The following ADGRG6 variants were observed in gnomAD, a reference collection of about 807,000 sequenced individuals.
ADGRG6 encodes adhesion G protein-coupled receptor G6.
Under a neutral mutation model 142.4 loss-of-function variants are expected in ADGRG6, and 84 were observed. That is an observed-to-expected ratio of 0.59 (90% confidence interval 0.49 to 0.71). The LOEUF (loss-of-function observed/expected upper bound fraction) is 0.71, where lower values mean the gene tolerates loss of function less well. Among genes scored for constraint, ADGRG6 ranks in the 30% least tolerant of loss-of-function variants. The pLI is 0.00. For synonymous variants in ADGRG6, 521 were observed against 520.5 expected (o/e 1.00, Z -0.01); for missense variants, 1,367 against 1,466.6 (o/e 0.93, Z 1.11).
chr6:142,437,587 T>C, intron 23 of ADGRG6, 52 bp downstream of exon 23: 1 of 876,718 alleles, frequency 1.1e-6, no homozygotes, highest in South Asian at 1.3e-5. Context: ...GGAAAGTTTG[T>C]CATTCAGTCT....
At chr6:142,435,918 A>G (rs1240961019) in intron 22 of ADGRG6, among the ~76,000 whole-genome samples, 1 of 152,176 alleles carries the variant, frequency 6.6e-6, no homozygotes, top group Non-Finnish European at 1.5e-5. Context: ...TGTTATGGAA[A>G]GATTTGGGAG....
At chr6:142,315,604 G>A (rs973793674) in intron 2 of ADGRG6, among the ~76,000 whole-genome samples, 11 of 152,000 alleles carry the variant, frequency 7.2e-5, no homozygotes, top group East Asian at 5.8e-4. Flanking sequence ...CCGAGGCGGC[G>A]GGCAGATCAT....
chr6:142,326,425 C>G (rs1292770974), intron 2 of ADGRG6, among the ~76,000 whole-genome samples: 2 of 151,196 alleles, frequency 1.3e-5, no homozygotes, highest in Non-Finnish European at 2.9e-5. Flanking sequence ...GAAAAATTAA[C>G]TAGAATTTTA....
intron 2 of ADGRG6, among the ~76,000 whole-genome samples, chr6:142,310,478 A>T (rs922643583): frequency 1.3e-5 from 2 of 151,674 alleles, no homozygotes; most frequent in African/African-American, 4.8e-5. Context: ...TTGAAGTCTT[A>T]TGTATTTATT....
At chr6:142,439,545 TG>T (rs1777642602) in intron 24 of ADGRG6, among the ~76,000 whole-genome samples, 1 of 152,214 alleles carries the variant, frequency 6.6e-6, no homozygotes, top group Non-Finnish European at 1.5e-5. Context: ...GTCTTGCCAC[TG>T]GGGTGGCCAC....
At chr6:142,359,873 A>C (rs770445387) in intron 2 of ADGRG6, among the ~76,000 whole-genome samples, 1 of 152,178 alleles carries the variant, frequency 6.6e-6, no homozygotes, top group Admixed American at 6.5e-5. Context: ...GATCCCAGAG[A>C]AGATTTGGAG....
At chr6:142,389,263 T>C (rs1378621723) in intron 6 of ADGRG6, among the ~76,000 whole-genome samples, 4 of 152,040 alleles carry the variant, frequency 2.6e-5, no homozygotes, top group Admixed American at 6.6e-5. Context: ...CATTTTTTTT[T>C]CTACTGCCTC....
chr6:142,394,245 T>C (rs1322712481), intron 9 of ADGRG6, among the ~76,000 whole-genome samples: 1 of 152,222 alleles, frequency 6.6e-6, no homozygotes, highest in Non-Finnish European at 1.5e-5. Context: ...CCATTGCCTC[T>C]TACTTGAAAT....
chr6:142,320,401 A>G (rs575341891), intron 2 of ADGRG6, among the ~76,000 whole-genome samples: 1 of 152,230 alleles, frequency 6.6e-6, no homozygotes, highest in East Asian at 1.9e-4. Context: ...ATGCAACTAA[A>G]CTAATAATGG....
At chr6:142,439,487 G>C (rs980266281) in intron 24 of ADGRG6, among the ~76,000 whole-genome samples, 11 of 152,152 alleles carry the variant, frequency 7.2e-5, no homozygotes, top group Non-Finnish European at 1.2e-4. Context: ...AGATAACCCT[G>C]GTGTACATTT....
At chr6:142,354,347 C>T (rs979891204) in intron 2 of ADGRG6, among the ~76,000 whole-genome samples, 6 of 152,130 alleles carry the variant, frequency 3.9e-5, no homozygotes, top group Non-Finnish European at 7.3e-5. Flanking sequence ...CGTGCCATTG[C>T]GCTCTAGCTT....
chr6:142,409,813 C>T, intron 16 of ADGRG6, 61 bp from the exon 17 acceptor site: 1 of 718,460 alleles, frequency 1.4e-6, no homozygotes, highest in South Asian at 1.9e-5. Flanking sequence ...TATTCTTTTG[C>T]CATATTTAAA....
Position 142,397,767 on chromosome 6 carries a change from A to AT in ADGRG6, c.1567+19dup. The stretch of plus-strand genomic sequence containing the variant: ...TGTGAGACAACTGGGTAAGTGACTA[A>AT]TTTTTTTATAATATGCATTTTATAC... On this transcript the variant is annotated intron_variant, in intron 10 of 24. Transcript: ENST00000367609. 2.0e-6 allele frequency: 3 copies of AT among 1,514,204 alleles called. No homozygotes were observed. The highest frequency in any genetic ancestry group is 1.3e-5 in the South Asian group (1 of 77,574). 93.8% of individuals were successfully genotyped at this position (1,514,204 alleles called of 1,614,324 possible). A position where few individuals can be genotyped will look rare whatever the true frequency, so the allele number is the denominator to read the frequency against.
chr6:142,372,828 G>A (rs1220917358), intron 4 of ADGRG6, among the ~76,000 whole-genome samples: 1 of 152,158 alleles, frequency 6.6e-6, no homozygotes, highest in Non-Finnish European at 1.5e-5. Context: ...CTTTAATTCA[G>A]GGGTCTCTTT....
At position 142,357,628 on chromosome 6, in the gene ADGRG6, G is replaced by A. The variant is rs1381991476; in HGVS notation, c.104-9941G>A. Among the ~76,000 whole-genome samples, 7 of 152,012 alleles carry A rather than the reference G, an allele frequency of 4.6e-5. No homozygotes were observed. In the East Asian group the frequency reaches 5.8e-4, roughly 13 times the overall value. On this transcript the variant is annotated intron_variant, in intron 2 of 24. Transcript: ENST00000367609. ...TTTTATGCCCTCAAATTAAAGGCCC[G>A]TTTGGAAAACTTGAGCTAACAAGCA...
intron 1 of ADGRG6, among the ~76,000 whole-genome samples, chr6:142,304,027 T>C (rs993267987): frequency 2.0e-4 from 31 of 152,284 alleles, no homozygotes; most frequent in Admixed American, 1.7e-3. Flanking sequence ...TACCAGATGG[T>C]AAGTATATTT....
At chr6:142,382,097 G>A (rs1192079782) in intron 5 of ADGRG6, 78 bp downstream of exon 5, 8 of 836,304 alleles carry the variant, frequency 9.6e-6, no homozygotes, top group Non-Finnish European at 1.4e-5. Flanking sequence ...TCATTGTTTT[G>A]ATTTGTATCT....
intron 7 of ADGRG6, among the ~76,000 whole-genome samples, chr6:142,390,999 T>G (rs1326894621): frequency 2.0e-5 from 3 of 151,866 alleles, no homozygotes; most frequent in Non-Finnish European, 3.0e-5. Flanking sequence ...CAATGCATAA[T>G]ATTTCATTAT....
intron 14 of ADGRG6, among the ~76,000 whole-genome samples, chr6:142,404,630 CAA>C (rs542459886): frequency 4.6e-5 from 7 of 152,058 alleles, no homozygotes; most frequent in Middle Eastern, 3.4e-3. Flanking sequence ...GGCGACAGAG[CAA>C]GACTCTGTCT....
Sources: allele counts gnomAD v4.1 joint callset (sites outside exome capture counted in the v4.1 genomes callset), GRCh38; gene constraint gnomAD v4.1.1; transcripts MANE v1.5; gene names NCBI Gene and HGNC (gene_info 2026-07-23, HGNC 2026-07-21).